The following RAB6A variants were observed in gnomAD, a reference collection of about 807,000 sequenced individuals.
RAB6A encodes the protein RAB6A, member RAS oncogene family.
RAB6A carries 8 observed loss-of-function variants against 32.3 expected under a neutral mutation model. The observed-to-expected ratio is 0.25, with a 90% CI of 0.15 to 0.45. The LOEUF (loss-of-function observed/expected upper bound fraction) is 0.45. RAB6A is among the 20% of genes least tolerant of loss of function. RAB6A has a pLI of 1.00. For missense variants in RAB6A, 104 were observed against 249.4 expected (o/e 0.42, Z 3.93); for synonymous variants, 73 against 82.1 (o/e 0.89, Z 0.60).
rs1387381243 is a variant in RAB6A at position 73,677,607 on chromosome 11, T to A, written c.*291A>T. 2 of 703,338 alleles carry A rather than the reference T, an allele frequency of 2.8e-6. No homozygotes were observed. The highest frequency in any genetic ancestry group is 4.6e-6 in the Non-Finnish European group (2 of 434,714). 43.6% of individuals were successfully genotyped at this position (703,338 alleles called of 1,614,324 possible). On this transcript the variant is annotated 3_prime_UTR_variant, in exon 8 of 8. Coordinates refer to ENST00000336083, the MANE Select transcript of RAB6A (RefSeq NM_198896.2). ...TCCATCATTTTGAAGTACATTATCA[T>A]AACATTAAAAAAGAAAAAAATGTTA...
chr11:73,751,689 G>C (rs1484808564), intron 1 of RAB6A, among the ~76,000 whole-genome samples: 1 of 152,152 alleles, frequency 6.6e-6, no homozygotes, highest in Non-Finnish European at 1.5e-5. Context: ...ACAGCTGAGG[G>C]ATAGAGTACA....
At chr11:73,742,606 G>A (rs746354508) in intron 1 of RAB6A, among the ~76,000 whole-genome samples, 14 of 152,044 alleles carry the variant, frequency 9.2e-5, no homozygotes, top group Non-Finnish European at 1.9e-4. Flanking sequence ...GAGGTCAGGA[G>A]TTCAAGACCA....
intron 2 of RAB6A, among the ~76,000 whole-genome samples, chr11:73,726,707 A>C (rs548632919): frequency 6.7e-6 from 1 of 148,842 alleles, no homozygotes; most frequent in South Asian, 2.2e-4. Flanking sequence ...TCAAGATCAC[A>C]CCACTGCACT....
intron 2 of RAB6A, chr11:73,722,305 G>GTATGTGTGTGTGTATA (rs1555061991): frequency 2.4e-5 from 1 of 42,364 alleles, no homozygotes; most frequent in African/African-American, 9.9e-5. Flanking sequence ...ATGTGTGTGT[G>GTATGTGTGTGTGTATA]TATATATATA....
At chr11:73,678,872 T>G (rs1945310775) in intron 7 of RAB6A, among the ~76,000 whole-genome samples, 1 of 151,486 alleles carries the variant, frequency 6.6e-6, no homozygotes. Context: ...ATTACAGGCG[T>G]GCACTATCAC....
chr11:73,687,209 G>A (rs985650488), intron 6 of RAB6A, among the ~76,000 whole-genome samples: 13 of 152,096 alleles, frequency 8.5e-5, no homozygotes, highest in African/African-American at 3.1e-4. Context: ...ATGGCTGGCT[G>A]TCAATGGCTG....
rs56270679 is a variant in RAB6A at position 73,685,885 on chromosome 11, C to CAAAAAAAAAAAA, written c.496-6177_496-6166dup. Among the ~76,000 whole-genome samples the CAAAAAAAAAAAA allele has an allele frequency of 5.1e-4, 53 of 103,020 alleles. 1 individual carries two copies. The highest frequency in any genetic ancestry group is 1.1e-3 in the South Asian group (3 of 2,676). The allele number at this position is 103,020 out of a possible 152,430, so 67.6% of individuals were successfully genotyped here. A position where few individuals can be genotyped will look rare whatever the true frequency, so the allele number is the denominator to read the frequency against. ...AGGCAACAAGAGTGAAACTCCGTCT[C>CAAAAAAAAAAAA]AAAAAAAAAAAAAAAAAAAAAAAGC... On this transcript the variant is annotated intron_variant, in intron 6 of 7. Coordinates refer to ENST00000336083, the MANE Select transcript of RAB6A (RefSeq NM_198896.2).
chr11:73,691,654 G>A (rs892639542), intron 6 of RAB6A, among the ~76,000 whole-genome samples: 18 of 152,122 alleles, frequency 1.2e-4, no homozygotes, highest in African/African-American at 4.3e-4. Context: ...TAAGGGGTGT[G>A]AAAACACATT....
chr11:73,755,647 T>C (rs1223951063), intron 1 of RAB6A, among the ~76,000 whole-genome samples: 1 of 152,050 alleles, frequency 6.6e-6, no homozygotes, highest in Non-Finnish European at 1.5e-5. Context: ...CATGTGCCTA[T>C]AGTCCCAGCT....
chr11:73,681,605 T>C (rs1481898831), intron 6 of RAB6A, among the ~76,000 whole-genome samples: 1 of 152,162 alleles, frequency 6.6e-6, no homozygotes, highest in Non-Finnish European at 1.5e-5. Flanking sequence ...GAGGTCGAGT[T>C]TGAGACCAGC....
At chr11:73,709,129 T>G (rs1052662102) in intron 5 of RAB6A, among the ~76,000 whole-genome samples, 5 of 152,120 alleles carry the variant, frequency 3.3e-5, no homozygotes, top group Non-Finnish European at 7.3e-5. Context: ...AACAAGGACA[T>G]TCTCTTATAT....
intron 1 of RAB6A, among the ~76,000 whole-genome samples, chr11:73,753,434 G>A (rs570766508): frequency 4.7e-4 from 71 of 151,608 alleles, no homozygotes; most frequent in Admixed American, 4.1e-3. Context: ...AGACCTCGCC[G>A]GGCACAGTGG....
intron 1 of RAB6A, among the ~76,000 whole-genome samples, chr11:73,734,853 G>GT (rs1279444147): frequency 1.3e-5 from 2 of 152,168 alleles, no homozygotes; most frequent in African/African-American, 4.8e-5. Flanking sequence ...ACAACTACAA[G>GT]TTGAGTATCT....
chr11:73,724,941 G>A (rs1406154905), intron 2 of RAB6A, among the ~76,000 whole-genome samples: 1 of 152,136 alleles, frequency 6.6e-6, no homozygotes, highest in Non-Finnish European at 1.5e-5. Flanking sequence ...GCAGAATAGT[G>A]CCTGATATAT....
chr11:73,715,203 T>G (rs1235092706), intron 5 of RAB6A, among the ~76,000 whole-genome samples: 6 of 152,130 alleles, frequency 3.9e-5, no homozygotes, highest in Non-Finnish European at 7.4e-5. Context: ...TTCAGCTCAC[T>G]GCAACCTCCG....
intron 1 of RAB6A, chr11:73,760,201 G>A (rs1946821859): frequency 1.0e-6 from 1 of 971,296 alleles, no homozygotes; most frequent in Non-Finnish European, 1.4e-6. Context: ...AAAAGAGCAA[G>A]GAATAAGGGT....
chr11:73,705,405 G>A (rs952604637), intron 6 of RAB6A, among the ~76,000 whole-genome samples: 20 of 152,038 alleles, frequency 1.3e-4, no homozygotes, highest in African/African-American at 3.4e-4. Flanking sequence ...AAAATTAGCC[G>A]GGAATGGTGC....
intron 6 of RAB6A, among the ~76,000 whole-genome samples, chr11:73,682,588 G>A (rs1045672504): frequency 7.9e-5 from 12 of 152,084 alleles, no homozygotes; most frequent in Non-Finnish European, 5.9e-5. Context: ...GCTTGAACCC[G>A]GGAGGTGGAG....
intron 4 of RAB6A, among the ~76,000 whole-genome samples, chr11:73,717,721 G>A (rs763062965): frequency 1.3e-5 from 2 of 152,198 alleles, no homozygotes; most frequent in African/African-American, 4.8e-5. Flanking sequence ...GGGGATTTCC[G>A]GCGTGAGCCA....
Sources: gnomAD v4.1 joint callset for allele counts (sites outside exome capture counted in the v4.1 genomes callset) on GRCh38, gnomAD v4.1.1 for gene constraint, MANE v1.5 for transcripts, NCBI Gene and HGNC (gene_info 2026-07-23, HGNC 2026-07-21) for gene names.